Variants in MYO1D observed in about 807,000 individuals in gnomAD.
The protein encoded by MYO1D is unconventional myosin-Id.
Under a neutral mutation model 122.0 loss-of-function variants are expected in MYO1D, and 83 were observed. The ratio of observed to expected loss-of-function variants is 0.68; its 90% CI spans 0.57 to 0.82. The LOEUF (loss-of-function observed/expected upper bound fraction) is 0.82. Ranked by LOEUF, MYO1D falls within the 40% of genes least tolerant of loss-of-function variation. The pLI is 0.00. For synonymous variants in MYO1D, 464 were observed against 446.9 expected (o/e 1.04, Z -0.48); for missense variants, 1,157 against 1,269.5 (o/e 0.91, Z 1.35).
At chr17:32,638,167 C>T (rs2035955) in intron 20 of MYO1D, among the ~76,000 whole-genome samples, 12 of 151,910 alleles carry the variant, frequency 7.9e-5, no homozygotes, top group African/African-American at 2.9e-4. Context: ...ACTCATATTG[C>T]GATTCAAGGA....
intron 1 of MYO1D, among the ~76,000 whole-genome samples, chr17:32,795,074 A>G (rs1413679116): frequency 6.6e-6 from 1 of 152,190 alleles, no homozygotes. Flanking sequence ...AGTATCTCAC[A>G]TGAGCTACTG....
Position 32,691,097 on chromosome 17 carries a change from TA to T in MYO1D, c.2121+20890del, listed in dbSNP as rs1035851519. On this transcript the variant is annotated intron_variant, in intron 16 of 21. Transcript: ENST00000318217. ...GGCAAGATAGTCAGAACTCATCTCT[TA>T]AAAAAAAATTTAGCCAGATGTTGTG... Among the ~76,000 whole-genome samples, 6 of 150,868 alleles carry T rather than the reference TA, an allele frequency of 4.0e-5. 1 individual carries two copies. The South Asian group carries it at 6.3e-4, about 16-fold the overall frequency.
intron 21 of MYO1D, among the ~76,000 whole-genome samples, chr17:32,548,193 A>G (rs1361394140): frequency 1.3e-5 from 2 of 151,768 alleles, no homozygotes; most frequent in Non-Finnish European, 2.9e-5. Context: ...TGAGGTGGGC[A>G]GATTGCTTGA....
At chr17:32,802,087 T>C (rs2090465975) in intron 1 of MYO1D, among the ~76,000 whole-genome samples, 2 of 152,188 alleles carry the variant, frequency 1.3e-5, no homozygotes, top group African/African-American at 4.8e-5. Flanking sequence ...ACACATACCA[T>C]TGATTACAAG....
At position 32,580,011 on chromosome 17, in the gene MYO1D, A is replaced by T. The variant is rs1389998710; in HGVS notation, c.2864+25076T>A. Among the ~76,000 whole-genome samples the T allele has an allele frequency of 2.0e-5, 3 of 152,320 alleles. No homozygotes were observed. The East Asian group carries it at 5.8e-4, about 29-fold the overall frequency. On this transcript the variant is annotated intron_variant, in intron 21 of 21. Transcript: ENST00000318217. ...CCCCTAGATAAATATCTAGGAGTGG[A>T]GTGGCTGGAATATGTGGCAGGGATA...
At chr17:32,648,470 C>T (rs1004015283) in intron 19 of MYO1D, among the ~76,000 whole-genome samples, 3 of 152,148 alleles carry the variant, frequency 2.0e-5, no homozygotes, top group African/African-American at 7.2e-5. Flanking sequence ...ATCTGCTAAT[C>T]AGATAACTGG....
intron 14 of MYO1D, among the ~76,000 whole-genome samples, chr17:32,735,896 G>A (rs548863461): frequency 6.6e-6 from 1 of 151,530 alleles, no homozygotes; most frequent in Admixed American, 6.6e-5. Flanking sequence ...ATCTTTCTAC[G>A]TCTTTGTTTT....
At chr17:32,522,373 C>G (rs754539271) in intron 21 of MYO1D, among the ~76,000 whole-genome samples, 2 of 152,178 alleles carry the variant, frequency 1.3e-5, no homozygotes, top group Non-Finnish European at 2.9e-5. Flanking sequence ...AAATGGGTCC[C>G]CCATTGGTGG....
chr17:32,555,439 G>A (rs2087059784), intron 21 of MYO1D, among the ~76,000 whole-genome samples: 1 of 151,170 alleles, frequency 6.6e-6, no homozygotes, highest in Admixed American at 6.6e-5. Context: ...GTTTGAATGT[G>A]TGCTTCCAGT....
chr17:32,585,332 T>C (rs2087376856), intron 21 of MYO1D, among the ~76,000 whole-genome samples: 1 of 152,226 alleles, frequency 6.6e-6, no homozygotes, highest in Non-Finnish European at 1.5e-5. Context: ...CTTTGCTTCA[T>C]TTAGTAATGA....
At chr17:32,699,367 A>G (rs2089217061) in intron 16 of MYO1D, among the ~76,000 whole-genome samples, 1 of 152,210 alleles carries the variant, frequency 6.6e-6, no homozygotes, top group Non-Finnish European at 1.5e-5. Context: ...TATGGGAACA[A>G]AACTCCCAAA....
At chr17:32,822,516 TTC>T (rs2090678211) in intron 1 of MYO1D, among the ~76,000 whole-genome samples, 1 of 150,794 alleles carries the variant, frequency 6.6e-6, no homozygotes, top group Non-Finnish European at 1.5e-5. Context: ...GCTTCTTCGG[TTC>T]CCGCCTCCTC....
intron 19 of MYO1D, among the ~76,000 whole-genome samples, chr17:32,639,363 TTGTG>T (rs10674390): frequency 0.039 from 4,972 of 128,146 alleles, 130 homozygotes; most frequent in African/African-American, 0.051. Flanking sequence ...GGGAGAAATT[TTGTG>T]TGTGTGTGTG....
At chr17:32,675,357 C>A (rs2088792298) in intron 16 of MYO1D, among the ~76,000 whole-genome samples, 1 of 152,124 alleles carries the variant, frequency 6.6e-6, no homozygotes, top group Non-Finnish European at 1.5e-5. Context: ...ATGTTACATT[C>A]AACTTGTACA....
chr17:32,632,602 C>T (rs934190934), intron 20 of MYO1D: 23 of 149,700 alleles, frequency 1.5e-4, no homozygotes, highest in African/African-American at 3.2e-4. Context: ...CACACACACA[C>T]ACACACACAC....
intron 1 of MYO1D, among the ~76,000 whole-genome samples, chr17:32,856,585 A>T (rs1303070537): frequency 6.6e-6 from 1 of 151,652 alleles, no homozygotes; most frequent in Non-Finnish European, 1.5e-5. Flanking sequence ...TTTAATGGAC[A>T]CCTCTTCATC....
chr17:32,793,070 G>A (rs570611810), intron 1 of MYO1D, among the ~76,000 whole-genome samples: 2 of 152,080 alleles, frequency 1.3e-5, no homozygotes, highest in South Asian at 2.1e-4. Context: ...TGGAAAAGAT[G>A]CTTTGTTTTG....
intron 19 of MYO1D, among the ~76,000 whole-genome samples, chr17:32,646,922 G>A (rs1353192491): frequency 6.6e-6 from 1 of 151,848 alleles, no homozygotes; most frequent in African/African-American, 2.4e-5. Context: ...TTATAATTAT[G>A]GCAAAAAAGC....
intron 21 of MYO1D, chr17:32,518,924 C>A (rs1315527742): frequency 6.6e-6 from 1 of 152,266 alleles, no homozygotes; most frequent in African/African-American, 2.4e-5. Context: ...ACTCGGCGGC[C>A]GACAGGTTCT....
Sources: gnomAD v4.1 joint callset for allele counts (sites outside exome capture counted in the v4.1 genomes callset) on GRCh38, gnomAD v4.1.1 for gene constraint, MANE v1.5 for transcripts, NCBI Gene and HGNC (gene_info 2026-07-23, HGNC 2026-07-21) for gene names.